Variants in FANCA observed in about 807,000 individuals in gnomAD.
FANCA encodes FA complementation group A.
A neutral mutation model predicts 194.3 loss-of-function variants in FANCA; 236 were observed. The observed-to-expected ratio is 1.21, with a 90% CI of 1.09 to 1.35. FANCA has a LOEUF of 1.35. FANCA is among the 40% of genes most tolerant of loss of function. The pLI is 0.00. For synonymous variants in FANCA, 1,014 were observed against 715.8 expected (o/e 1.42, Z -6.65); for missense variants, 2,628 against 1,813.9 (o/e 1.45, Z -8.15).
At chr16:89,755,885 C>T (rs2038751689) in intron 30 of FANCA, among the ~76,000 whole-genome samples, 1 of 151,090 alleles carries the variant, frequency 6.6e-6, no homozygotes. Context: ...AGACCGGAGC[C>T]GCCCGCACAC....
intron 29 of FANCA, among the ~76,000 whole-genome samples, chr16:89,759,410 G>C (rs2038874372): frequency 6.6e-6 from 1 of 150,478 alleles, no homozygotes; most frequent in African/African-American, 2.4e-5. Flanking sequence ...GAAGGGGATG[G>C]TGAAGCAACC....
At position 89,770,250 on chromosome 16, in the gene FANCA, G is replaced by A. The variant is rs1445470690; in HGVS notation, c.2232C>T (p.Pro744=). 1 of 1,577,984 alleles carries A rather than the reference G, an allele frequency of 6.3e-7. No homozygotes were observed. The highest frequency in any genetic ancestry group is 8.6e-7 in the Non-Finnish European group (1 of 1,161,860). Residue 744 remains proline, a synonymous_variant, in exon 25 of 43, where the codon CCC becomes CCT. Coordinates refer to ENST00000389301, the MANE Select transcript of FANCA (RefSeq NM_000135.4). Reference sequence around the variant, plus strand: ...TGGTCCTCACGAAGAGGGCAGCCCAGGGACCCTGCCTGCAGAGACAGCCGT... The same window carrying A: ...TGGTCCTCACGAAGAGGGCAGCCCAAGGACCCTGCCTGCAGAGACAGCCGT... ...SSVAPPERQG[P]WAALFVRTMC...
intron 30 of FANCA, among the ~76,000 whole-genome samples, chr16:89,755,668 T>C (rs1308854949): frequency 2.0e-5 from 3 of 152,244 alleles, no homozygotes; most frequent in Admixed American, 2.0e-4. Flanking sequence ...TTACAAATCA[T>C]ATATTTGATA....
At chr16:89,740,161 G>A (rs1439285683) in intron 38 of FANCA, 62 bp from the exon 39 acceptor site, 3 of 1,315,128 alleles carry the variant, frequency 2.3e-6, no homozygotes, top group African/African-American at 1.5e-5. Context: ...GGGTAGGAGG[G>A]TACAGCCCTC....
intron 26 of FANCA, among the ~76,000 whole-genome samples, chr16:89,768,528 C>T (rs1469442777): frequency 3.3e-5 from 5 of 152,032 alleles, no homozygotes; most frequent in Admixed American, 1.3e-4. Context: ...TGGTGGTGCA[C>T]ACCTGTAGTC....
chr16:89,804,345 A>G (rs1237424883), intron 7 of FANCA, among the ~76,000 whole-genome samples: 1 of 152,178 alleles, frequency 6.6e-6, no homozygotes, highest in Admixed American at 6.5e-5. Context: ...CACCAAGGAA[A>G]AGAGTCTCAT....
intron 10 of FANCA, 21 bp from the exon 11 acceptor site, chr16:89,796,039 G>C (rs745376297): frequency 1.3e-6 from 2 of 1,598,214 alleles, no homozygotes; most frequent in Non-Finnish European, 8.6e-7. Context: ...AGCAGAAAGA[G>C]GGGTCAGGAA....
chr16:89,744,879 C>A, intron 36 of FANCA, 80 bp downstream of exon 36: 2 of 1,310,422 alleles, frequency 1.5e-6, no homozygotes, highest in South Asian at 2.5e-5. Context: ...TCAAGCAAGC[C>A]AGGGTGTTTA....
Position 89,773,120 on chromosome 16 carries a change from A to G in FANCA, c.2014+151T>C. 4 of 685,990 alleles carry G rather than the reference A, an allele frequency of 5.8e-6. No individual in the cohort carries two copies. The South Asian group carries it at 6.5e-5, about 11-fold the overall frequency. The allele number at this position is 685,990 out of a possible 1,614,324, so 42.5% of individuals were successfully genotyped here. ...TCCACCTTGTCTCAAAAAAGGTTCC[A>G]CACCCGCCAGCCCGGGGTCAATCTT... On this transcript the variant is annotated intron_variant, in intron 22 of 42. Transcript: ENST00000389301.
Position 89,737,622 on chromosome 16 carries a change from G to A in FANCA, c.*979C>T, listed in dbSNP as rs946451720. 2 of 1,158,146 alleles carry A rather than the reference G, an allele frequency of 1.7e-6. No homozygotes were observed. Among genetic ancestry groups the A allele is most frequent in the African/African-American group, 3.1e-5 (2 of 64,208 alleles). The allele number at this position is 1,158,146 out of a possible 1,614,324, so 71.7% of individuals were successfully genotyped here. On this transcript the variant is annotated 3_prime_UTR_variant, in exon 43 of 43. Transcript: ENST00000389301. ...ACACAGCTGATGAAGCCACGTGACA[G>A]TGTATAAAGCAGTTTAAAGATCTTA...
At chr16:89,808,170 T>C in intron 6 of FANCA, 124 bp downstream of exon 6, 1 of 854,020 alleles carries the variant, frequency 1.2e-6, no homozygotes, top group Non-Finnish European at 2.0e-6. Flanking sequence ...CAATGCAATC[T>C]AGTCTAGTAC....
At chr16:89,740,276 G>A in intron 38 of FANCA, 177 bp from the exon 39 acceptor site, 1 of 644,118 alleles carries the variant, frequency 1.6e-6, no homozygotes. Context: ...AGAGGCTCAG[G>A]TAGGAGGCCA....
In FANCA at chr16:89,777,931, G is replaced by A. The variant is rs544410074; in HGVS notation, c.1826+870C>T. On this transcript the variant is annotated intron_variant, in intron 20 of 42. Coordinates refer to ENST00000389301, the MANE Select transcript of FANCA (RefSeq NM_000135.4). ...AATCCCAGCACTTTGGGAGGCCGAG[G>A]TGGGCAGATCGCTTGAGCCCAGGAG... 2.6e-5 allele frequency among the ~76,000 whole-genome samples: 4 copies of A among 152,204 alleles called. No homozygotes were observed. In the East Asian group the frequency reaches 7.7e-4, roughly 29 times the overall value.
At chr16:89,776,020 A>G (rs987691917) in intron 20 of FANCA, among the ~76,000 whole-genome samples, 122 of 151,904 alleles carry the variant, frequency 8.0e-4, no homozygotes, top group African/African-American at 2.9e-3. Context: ...TATCATATTA[A>G]TCATATATTA....
chr16:89,770,046 C>G (rs758632291), intron 25 of FANCA, 22 bp from the exon 26 acceptor site: 1 of 1,610,140 alleles, frequency 6.2e-7, no homozygotes. Context: ...ATGAGGGTGG[C>G]AGAGCAGACT....
chr16:89,755,359 G>A lies in FANCA; in HGVS notation c.2982-3137C>T, dbSNP rs187301102. Among the ~76,000 whole-genome samples the A allele has an allele frequency of 2.0e-3, 306 of 152,092 alleles. 2 individuals carry two copies. Among genetic ancestry groups the A allele is most frequent in the African/African-American group, 6.8e-3 (282 of 41,482 alleles). The stretch of plus-strand genomic sequence containing the variant: ...CTCCCGAGTAGCTGGGATTACAGGC[G>A]CCTGCCACCATGCCTGGCTAGTTTT... On this transcript the variant is annotated intron_variant, in intron 30 of 42. Transcript: ENST00000389301.
rs2039260982 is a variant in FANCA, at chr16:89,769,845, G to A, written c.2496C>T (p.Phe832=). 1.9e-6 allele frequency: 3 copies of A among 1,614,078 alleles called. No individual in the cohort carries two copies. Among genetic ancestry groups the A allele is most frequent in the Non-Finnish European group, 2.5e-6 (3 of 1,180,010 alleles). Residue 832 remains phenylalanine, a synonymous_variant, in exon 26 of 43, where the codon TTC becomes TTT. Transcript: ENST00000389301. ...LTCRTRDSLF[F]CLKFCTAAIS... is the part of the protein sequence containing the mutation. Reference sequence around the variant, plus strand: ...GTGGAAGAAGAGCTCACTTCAGGCAGAAGAACAAGGAATCCCTCGTCCTAC... The same window carrying A: ...GTGGAAGAAGAGCTCACTTCAGGCAAAAGAACAAGGAATCCCTCGTCCTAC...
intron 37 of FANCA, among the ~76,000 whole-genome samples, chr16:89,742,578 G>A (rs2062160207): frequency 6.6e-6 from 1 of 151,312 alleles, no homozygotes; most frequent in South Asian, 2.1e-4. Context: ...GGGAGGCCAA[G>A]GCGGGAGGAT....
At chr16:89,793,745 T>A (rs1281063788) in intron 11 of FANCA, among the ~76,000 whole-genome samples, 1 of 151,822 alleles carries the variant, frequency 6.6e-6, no homozygotes, top group Non-Finnish European at 1.5e-5. Context: ...CATACCCAGA[T>A]ACTTTTTGTA....
Sources: allele counts gnomAD v4.1 joint callset (sites outside exome capture counted in the v4.1 genomes callset), GRCh38; gene constraint gnomAD v4.1.1; transcripts MANE v1.5; gene names NCBI Gene and HGNC (gene_info 2026-07-23, HGNC 2026-07-21).